Variants in ANKRD45 observed in about 807,000 individuals in gnomAD.
The protein encoded by ANKRD45 is ankyrin repeat domain 45.
Under a neutral mutation model 28.1 loss-of-function variants are expected in ANKRD45, and 21 were observed. The observed-to-expected ratio is 0.75, with a 90% CI of 0.53 to 1.08. The LOEUF is 1.08. Ranked by LOEUF, ANKRD45 falls within the 50% of genes least tolerant of loss-of-function variation. The pLI is 0.00. For missense variants in ANKRD45, 261 were observed against 308.7 expected, an observed-to-expected ratio of 0.85 and a Z score of 1.16; for synonymous variants, 86 against 103.9, an observed-to-expected ratio of 0.83 and a Z score of 1.05.
intron 3 of ANKRD45, among the ~76,000 whole-genome samples, chr1:173,639,355 C>A (rs566643862): frequency 6.6e-6 from 1 of 152,280 alleles, no homozygotes; most frequent in South Asian, 2.1e-4. Context: ...ATCAGATAAC[C>A]AAACAAGCTG....
chr1:173,682,684 T>TACACAC, the ANKRD45 span, among the ~76,000 whole-genome samples: 3,290 of 143,998 alleles, frequency 0.023, 137 homozygotes, highest in African/African-American at 0.078. Context: ...GCCTTTTAAA[T>TACACAC]ACACACACAC....
chr1:173,672,019 T>A (rs1670277743), upstream of ANKRD45, among the ~76,000 whole-genome samples: 1 of 152,188 alleles, frequency 6.6e-6, no homozygotes, highest in Non-Finnish European at 1.5e-5. Context: ...CTTACACTCC[T>A]GCTCTAAAAC....
the ANKRD45 span, among the ~76,000 whole-genome samples, chr1:173,702,088 G>A: frequency 6.6e-6 from 1 of 152,118 alleles, no homozygotes; most frequent in South Asian, 2.1e-4. Context: ...GTATGGTTGG[G>A]GCAGAGGCAA....
chr1:173,658,300 G>A (rs575909559), intron 2 of ANKRD45: 31 of 156,166 alleles, frequency 2.0e-4, no homozygotes, highest in African/African-American at 7.0e-4. Flanking sequence ...CTCCAGCCTG[G>A]GCGACAGAGT....
intron 3 of ANKRD45, among the ~76,000 whole-genome samples, chr1:173,630,408 G>A (rs1374242763): frequency 6.6e-6 from 1 of 152,152 alleles, no homozygotes; most frequent in Non-Finnish European, 1.5e-5. Flanking sequence ...AAGGTAAAAA[G>A]TTGGAGGGGA....
At chr1:173,698,237 C>T in the ANKRD45 span, among the ~76,000 whole-genome samples, 6 of 152,190 alleles carry the variant, frequency 3.9e-5, no homozygotes, top group African/African-American at 1.4e-4. Context: ...TAACACCCCA[C>T]TGTCAATATT....
intron 3 of ANKRD45, among the ~76,000 whole-genome samples, chr1:173,639,070 G>C (rs1668590984): frequency 6.6e-6 from 1 of 152,180 alleles, no homozygotes; most frequent in East Asian, 1.9e-4. Flanking sequence ...CCTGTGTCCT[G>C]TTTGCACTCA....
chr1:173,703,339 G>C, the ANKRD45 span, among the ~76,000 whole-genome samples: 1 of 151,894 alleles, frequency 6.6e-6, no homozygotes, highest in Admixed American at 6.6e-5. Context: ...GAGTAGCTGG[G>C]ACTACAGGCG....
intron 3 of ANKRD45, among the ~76,000 whole-genome samples, chr1:173,638,391 T>C (rs1332947989): frequency 6.6e-6 from 1 of 151,948 alleles, no homozygotes; most frequent in Non-Finnish European, 1.5e-5. Context: ...GGATCCAACA[T>C]GGGAAAAGGC....
At chr1:173,631,060 T>C (rs1252487135) in intron 3 of ANKRD45, among the ~76,000 whole-genome samples, 2 of 151,814 alleles carry the variant, frequency 1.3e-5, no homozygotes, top group Non-Finnish European at 2.9e-5. Context: ...AAGATCCAAT[T>C]ATCTGTTACA....
chr1:173,682,002 A>T, the ANKRD45 span, among the ~76,000 whole-genome samples: 44 of 151,824 alleles, frequency 2.9e-4, 1 homozygote, highest in African/African-American at 1.0e-3. Flanking sequence ...GTGAGCCAAG[A>T]TCGTACCACT....
At chr1:173,709,666 C>G in the ANKRD45 span, among the ~76,000 whole-genome samples, 1 of 151,792 alleles carries the variant, frequency 6.6e-6, no homozygotes, top group African/African-American at 2.4e-5. Flanking sequence ...GGGCCTTACT[C>G]TGTTGCCCAG....
chr1:173,653,844 A>G (rs1292690102), intron 2 of ANKRD45, among the ~76,000 whole-genome samples: 1 of 149,862 alleles, frequency 6.7e-6, no homozygotes, highest in African/African-American at 2.5e-5. Context: ...TCCCTTTACC[A>G]TTATGTAATA....
In ANKRD45 at chr1:173,627,150, A is replaced by T; in HGVS notation, c.506T>A (p.Leu169Gln). 6.2e-7 allele frequency: 1 copy of T among 1,610,332 alleles called. No homozygotes were observed. Among genetic ancestry groups the T allele is most frequent in the African/African-American group, 1.4e-5 (1 of 73,912 alleles). The change falls in exon 4 of 6, where the codon CTG (leucine) becomes CAG (glutamine). Residue 169 changes from leucine to glutamine, a missense_variant. Coordinates refer to ENST00000333279, the MANE Select transcript of ANKRD45 (RefSeq NM_198493.3). ...VEFLDWADARLTLKKYIAKVS... is the reference protein window; with the variant it reads ...VEFLDWADARQTLKKYIAKVS... ...TTTTGCAATATATTTTTTCAGAGTC[A>T]GCCTTGCATCTGAAAGAATGGACAG...
At position 173,659,099 on chromosome 1, in the gene ANKRD45, G is replaced by GT; in HGVS notation, c.319dup (p.Thr107AsnfsTer29). 1 of 1,613,318 alleles carries GT rather than the reference G, an allele frequency of 6.2e-7. No homozygotes were observed. Among genetic ancestry groups the GT allele is most frequent in the East Asian group, 2.2e-5 (1 of 44,870 alleles). ...GAAAAAAGACAAAATACCTCTGGTG[G>GT]TTTTTTCATTCAGATTCACACCATA... On this transcript the variant is annotated frameshift_variant, in exon 2 of 6. Coordinates refer to ENST00000333279, the MANE Select transcript of ANKRD45 (RefSeq NM_198493.3). LOFTEE classifies it high-confidence loss of function.
At chr1:173,688,557 T>TCTTCCTCTCTCTCTCTCTGCCG in the ANKRD45 span, among the ~76,000 whole-genome samples, 4 of 141,028 alleles carry the variant, frequency 2.8e-5, no homozygotes, top group Admixed American at 6.9e-5. Context: ...CCTCTCTGCC[T>TCTTCCTCTCTCTCTCTCTGCCG]CTTCCTCTCT....
chr1:173,621,036 C>T (rs909167559), intron 5 of ANKRD45, among the ~76,000 whole-genome samples: 1 of 152,020 alleles, frequency 6.6e-6, no homozygotes, highest in Admixed American at 6.6e-5. Context: ...ATTCTATGAA[C>T]ATAAAGTAGA....
the ANKRD45 span, among the ~76,000 whole-genome samples, chr1:173,701,769 C>T: frequency 2.0e-5 from 3 of 152,122 alleles, no homozygotes; most frequent in East Asian, 5.8e-4. Context: ...GCCTATGTAA[C>T]AAACCTGCAC....
At chr1:173,620,857 A>G (rs1667671102) in intron 5 of ANKRD45, among the ~76,000 whole-genome samples, 1 of 152,190 alleles carries the variant, frequency 6.6e-6, no homozygotes, top group African/African-American at 2.4e-5. Context: ...CAAAAAAATC[A>G]ATGAATCCAG....
Sources: allele counts gnomAD v4.1 joint callset (sites outside exome capture counted in the v4.1 genomes callset), GRCh38; gene constraint gnomAD v4.1.1; transcripts MANE v1.5; gene names NCBI Gene and HGNC (gene_info 2026-07-23, HGNC 2026-07-21).